The following HDAC9 variants were observed in gnomAD, a reference collection of about 807,000 sequenced individuals.
The protein encoded by HDAC9 is MEF-2 interacting transcription repressor (MITR) protein.
A neutral mutation model predicts 139.4 loss-of-function variants in HDAC9; 41 were observed. That is an observed-to-expected ratio of 0.29 (90% CI 0.23 to 0.38). The LOEUF (loss-of-function observed/expected upper bound fraction) is 0.38. Ranked by LOEUF, HDAC9 falls within the 10% of genes least tolerant of loss-of-function variation. HDAC9 has a pLI of 1.00. For synonymous variants in HDAC9, 517 were observed against 476.2 expected (o/e 1.09, Z -1.12); for missense variants, 1,147 against 1,297.0 (o/e 0.88, Z 1.78).
intron 22 of HDAC9, among the ~76,000 whole-genome samples, chr7:18,885,131 A>G (rs1230277248): frequency 6.6e-6 from 1 of 152,260 alleles, no homozygotes; most frequent in Non-Finnish European, 1.5e-5. Flanking sequence ...TAAGTTATCA[A>G]GGACTGCGGA....
intron 13 of HDAC9, among the ~76,000 whole-genome samples, chr7:18,738,676 T>A (rs921249609): frequency 1.9e-4 from 29 of 152,212 alleles, no homozygotes; most frequent in African/African-American, 6.5e-4. Context: ...GACCTTTGTG[T>A]CTGGCTGCCC....
At chr7:18,310,182 G>T (rs1289908172) in intron 1 of HDAC9, among the ~76,000 whole-genome samples, 1 of 151,832 alleles carries the variant, frequency 6.6e-6, no homozygotes, top group Non-Finnish European at 1.5e-5. Flanking sequence ...GGGTTGGGGG[G>T]AATGATCAGG....
rs62448105 is a variant in HDAC9 at position 18,932,839 on chromosome 7, G to A, written c.2804-2970G>A. Reference sequence around the variant, plus strand: ...TAGAAAGAAAGAAGGAAGGAAGGAAGGAAGGAAAAAAAGAAAGAAAGAAAG... The same window carrying A: ...TAGAAAGAAAGAAGGAAGGAAGGAAAGAAGGAAAAAAAGAAAGAAAGAAAG... On this transcript the variant is annotated intron_variant, in intron 22 of 25. Coordinates refer to ENST00000686413, the MANE Select transcript of HDAC9 (RefSeq NM_178425.4). 1.1e-4 allele frequency among the ~76,000 whole-genome samples: 4 copies of A among 36,622 alleles called. No homozygotes were observed. The East Asian group carries it at 1.6e-3, about 15-fold the overall frequency. The allele number at this position is 36,622 out of a possible 152,430, so 24.0% of individuals were successfully genotyped here. A position where few individuals can be genotyped will look rare whatever the true frequency, so the allele number is the denominator to read the frequency against.
chr7:18,284,290 A>T (rs1313050041), intron 2 of HDAC9, among the ~76,000 whole-genome samples: 1 of 152,160 alleles, frequency 6.6e-6, no homozygotes, highest in East Asian at 1.9e-4. Flanking sequence ...ACACATATGT[A>T]TATATTTTTT....
At chr7:18,242,440 G>A (rs1437345088) in intron 2 of HDAC9, among the ~76,000 whole-genome samples, 1 of 152,122 alleles carries the variant, frequency 6.6e-6, no homozygotes, top group Non-Finnish European at 1.5e-5. Context: ...ATATAGAGTT[G>A]AATTTAAATC....
intron 12 of HDAC9, chr7:18,667,990 G>T: frequency 3.1e-6 from 3 of 971,448 alleles, no homozygotes; most frequent in Non-Finnish European, 3.7e-6. Context: ...TTCTAAATCC[G>T]AGGTATTTCA....
chr7:18,970,152 C>T (rs1020082154), intron 24 of HDAC9, among the ~76,000 whole-genome samples: 3 of 151,988 alleles, frequency 2.0e-5, no homozygotes, highest in African/African-American at 7.2e-5. Context: ...TATCAAAAAG[C>T]CTAAAGTATT....
chr7:18,824,050 A>AAGAGGAAGAG (rs1562966406), intron 17 of HDAC9, among the ~76,000 whole-genome samples: 3 of 127,426 alleles, frequency 2.4e-5, no homozygotes, highest in Admixed American at 7.6e-5. Flanking sequence ...AAGAGGAAGA[A>AAGAGGAAGAG]GAAGAAGAAG....
chr7:18,124,591 G>A (rs145578190), intron 1 of HDAC9, among the ~76,000 whole-genome samples: 1 of 152,148 alleles, frequency 6.6e-6, no homozygotes, highest in Non-Finnish European at 1.5e-5. Context: ...TATGGGCGTT[G>A]GTGTAGGGAT....
In HDAC9 at chr7:18,216,847, TGATTATA is replaced by T. The variant is rs371005074; in HGVS notation, c.25+54499_25+54505del. 1.9e-3 allele frequency among the ~76,000 whole-genome samples: 282 copies of T among 152,268 alleles called. 1 individual carries two copies. Among genetic ancestry groups the T allele is most frequent in the African/African-American group, 5.7e-3 (235 of 41,568 alleles). On this transcript the variant is annotated intron_variant, in intron 2 of 12. Coordinates refer to the HDAC9 transcript ENST00000417496. ...TCAGGGTTACTAGGCCCATCACTTATGATTATACAAGTTGTACACTGCCACCTATAAT... is the reference window on the plus strand; with the variant it reads ...TCAGGGTTACTAGGCCCATCACTTATCAAGTTGTACACTGCCACCTATAAT...
chr7:18,421,116 A>G (rs1301380000), intron 1 of HDAC9, among the ~76,000 whole-genome samples: 1 of 152,162 alleles, frequency 6.6e-6, no homozygotes, highest in African/African-American at 2.4e-5. Flanking sequence ...AAAATTGTGT[A>G]TTCTTAATGA....
chr7:18,816,040 T>C (rs1794538946), intron 17 of HDAC9, among the ~76,000 whole-genome samples: 1 of 152,238 alleles, frequency 6.6e-6, no homozygotes, highest in African/African-American at 2.4e-5. Flanking sequence ...ATTATGCATA[T>C]GGTAAACCAT....
At chr7:18,290,678 GCAA>G (rs1330537608) in intron 1 of HDAC9, among the ~76,000 whole-genome samples, 5 of 152,218 alleles carry the variant, frequency 3.3e-5, no homozygotes, top group South Asian at 2.1e-4. Context: ...AGTAACAGTA[GCAA>G]CAACAACAAC....
At chr7:18,180,028 T>C (rs1174921987) in intron 2 of HDAC9, among the ~76,000 whole-genome samples, 2 of 152,194 alleles carry the variant, frequency 1.3e-5, no homozygotes, top group Non-Finnish European at 2.9e-5. Flanking sequence ...TGTCACAATT[T>C]CCAGATTTGT....
At chr7:18,216,981 A>G (rs567178017) in intron 2 of HDAC9, among the ~76,000 whole-genome samples, 1 of 152,254 alleles carries the variant, frequency 6.6e-6, no homozygotes, top group East Asian at 1.9e-4. Flanking sequence ...TACCATATCA[A>G]CTAGCAGAAT....
At chr7:18,468,678 A>G (rs971885071) in intron 1 of HDAC9, among the ~76,000 whole-genome samples, 4 of 152,188 alleles carry the variant, frequency 2.6e-5, no homozygotes, top group African/African-American at 9.6e-5. Context: ...GGTCTTCTAA[A>G]ATTTTAGTGA....
intron 22 of HDAC9, among the ~76,000 whole-genome samples, chr7:18,877,484 G>A (rs868391317): frequency 4.6e-5 from 7 of 152,100 alleles, no homozygotes; most frequent in South Asian, 2.1e-4. Context: ...TCTTCTCCCC[G>A]TGTTTTCCAA....
chr7:18,915,973 T>C (rs1047029125), intron 22 of HDAC9, among the ~76,000 whole-genome samples: 7 of 149,050 alleles, frequency 4.7e-5, no homozygotes, highest in Admixed American at 1.4e-4. Context: ...CATCAGCCTT[T>C]GTGACTTTTT....
At chr7:18,299,538 G>T (rs1798396901) in intron 1 of HDAC9, among the ~76,000 whole-genome samples, 1 of 152,122 alleles carries the variant, frequency 6.6e-6, no homozygotes, top group Admixed American at 6.5e-5. Flanking sequence ...GGGTCTGGCT[G>T]CCATTACTGA....
Sources: allele counts gnomAD v4.1 joint callset (sites outside exome capture counted in the v4.1 genomes callset), GRCh38; gene constraint gnomAD v4.1.1; transcripts MANE v1.5; gene names NCBI Gene and HGNC (gene_info 2026-07-23, HGNC 2026-07-21).